The following PDZRN3 variants were observed in gnomAD, a reference collection of about 807,000 sequenced individuals.
PDZRN3 encodes the protein E3 ubiquitin-protein ligase PDZRN3.
PDZRN3 carries 38 observed loss-of-function variants against 85.7 expected under a neutral mutation model. The observed-to-expected ratio is 0.44, with a 90% CI of 0.34 to 0.58. The LOEUF (loss-of-function observed/expected upper bound fraction) is 0.58. Ranked by LOEUF, PDZRN3 falls within the 20% of genes least tolerant of loss-of-function variation. The pLI, the probability that PDZRN3 is intolerant of heterozygous loss-of-function variation, is 0.01. For missense variants in PDZRN3, 1,629 were observed against 1,506.4 expected, an observed-to-expected ratio of 1.08 and a Z score of -1.35; for synonymous variants, 759 against 638.0, an observed-to-expected ratio of 1.19 and a Z score of -2.86.
At chr3:73,577,591 A>G (rs1014735192) in intron 3 of PDZRN3, among the ~76,000 whole-genome samples, 4 of 152,118 alleles carry the variant, frequency 2.6e-5, no homozygotes, top group Non-Finnish European at 4.4e-5. Flanking sequence ...GAGGAAAACC[A>G]AGGGAGAGAG....
At chr3:73,523,025 T>C (rs1017935060) in intron 3 of PDZRN3, among the ~76,000 whole-genome samples, 3 of 152,098 alleles carry the variant, frequency 2.0e-5, no homozygotes, top group Non-Finnish European at 2.9e-5. Context: ...TTTGTTTGTT[T>C]GTTTGTTTGT....
intron 3 of PDZRN3, among the ~76,000 whole-genome samples, chr3:73,420,486 G>C (rs187112527): frequency 6.6e-6 from 1 of 152,246 alleles, no homozygotes; most frequent in East Asian, 1.9e-4. Flanking sequence ...TAAAAGTACT[G>C]CATATTTCCA....
At chr3:73,385,263 G>A (rs1240072569) in intron 9 of PDZRN3, among the ~76,000 whole-genome samples, 1 of 152,186 alleles carries the variant, frequency 6.6e-6, no homozygotes, top group Non-Finnish European at 1.5e-5. Context: ...AACTCAATAA[G>A]GACTCAATAA....
At chr3:73,559,069 G>A (rs766593928) in intron 3 of PDZRN3, among the ~76,000 whole-genome samples, 2 of 152,112 alleles carry the variant, frequency 1.3e-5, no homozygotes, top group Non-Finnish European at 2.9e-5. Flanking sequence ...TAAGACCCCA[G>A]GCACACCAAG....
At chr3:73,391,174 T>C (rs902454904) in intron 5 of PDZRN3, 58 bp from the exon 6 acceptor site, 2 of 992,042 alleles carry the variant, frequency 2.0e-6, no homozygotes, top group Non-Finnish European at 3.2e-6. Flanking sequence ...GTTGAGGGGA[T>C]GTCAAATGCT....
intron 3 of PDZRN3, among the ~76,000 whole-genome samples, chr3:73,564,050 C>A (rs1701894179): frequency 6.6e-6 from 1 of 152,204 alleles, no homozygotes; most frequent in African/African-American, 2.4e-5. Flanking sequence ...GGTTTAGAGG[C>A]TGTGCCTATT....
intron 3 of PDZRN3, among the ~76,000 whole-genome samples, chr3:73,490,240 C>T (rs934752219): frequency 6.6e-6 from 1 of 152,156 alleles, no homozygotes; most frequent in Admixed American, 6.5e-5. Context: ...AAGGGAGCAC[C>T]CCATACAGAA....
Position 73,384,514 on chromosome 3 carries a change from C to G in PDZRN3, c.2052G>C (p.Glu684Asp). The G allele has an allele frequency of 6.2e-7, 1 of 1,613,746 alleles. No homozygotes were observed. Among genetic ancestry groups the G allele is most frequent in the Non-Finnish European group, 8.5e-7 (1 of 1,180,034 alleles). The change falls in exon 10 of 10, where the codon GAG becomes GAC. Residue 684 changes from glutamate to aspartate, a missense_variant. By Grantham distance (45) the Glu-to-Asp change is conservative. Coordinates refer to ENST00000263666, the MANE Select transcript of PDZRN3 (RefSeq NM_015009.3). The stretch of plus-strand genomic sequence containing the variant: ...GCAGCTCTTCGTTCAGCAGCTCCAG[C>G]TCCTTGTCCACGCTCTCAGGGTCAC... ...GKSDPESVDKELELLNEELRS... is the reference protein window; with the variant it reads ...GKSDPESVDKDLELLNEELRS...
intron 3 of PDZRN3, among the ~76,000 whole-genome samples, chr3:73,526,373 A>G (rs1704524606): frequency 6.6e-6 from 1 of 152,154 alleles, no homozygotes; most frequent in African/African-American, 2.4e-5. Flanking sequence ...AAGTATCCCC[A>G]TACCCATTCC....
chr3:73,403,272 C>T lies in PDZRN3; in HGVS notation c.1166+876G>A, dbSNP rs545950887. Among the ~76,000 whole-genome samples, 16 of 152,260 alleles carry T rather than the reference C, an allele frequency of 1.1e-4. No individual in the cohort carries two copies. In the East Asian group the frequency reaches 2.7e-3, roughly 26 times the overall value. ...TGAAAAGCTATGTTAAAAGCTATGTCGAACTGGACACCTTGGGGGCCAGCA... is the reference window on the plus strand; with the variant it reads ...TGAAAAGCTATGTTAAAAGCTATGTTGAACTGGACACCTTGGGGGCCAGCA... On this transcript the variant is annotated intron_variant, in intron 4 of 9. Coordinates refer to ENST00000263666, the MANE Select transcript of PDZRN3 (RefSeq NM_015009.3).
At chr3:73,564,132 T>C (rs72891757) in intron 3 of PDZRN3, among the ~76,000 whole-genome samples, 18,734 of 152,226 alleles carry the variant, frequency 0.12, 3,479 homozygotes, top group African/African-American at 0.4. Context: ...TGTATAACTC[T>C]ACATCAAATA....
chr3:73,467,856 C>T (rs1703251821), intron 3 of PDZRN3, among the ~76,000 whole-genome samples: 1 of 152,124 alleles, frequency 6.6e-6, no homozygotes, highest in Admixed American at 6.6e-5. Flanking sequence ...TACAAAAGGA[C>T]AAGTACTATA....
At chr3:73,443,070 C>T (rs980399163) in intron 3 of PDZRN3, among the ~76,000 whole-genome samples, 4 of 152,166 alleles carry the variant, frequency 2.6e-5, no homozygotes, top group South Asian at 4.1e-4. Flanking sequence ...CTCCCAGCCG[C>T]GCCCCACCAC....
intron 1 of PDZRN3, among the ~76,000 whole-genome samples, chr3:73,612,116 T>C (rs769390652): frequency 5.9e-5 from 9 of 152,154 alleles, no homozygotes; most frequent in Non-Finnish European, 1.3e-4. Context: ...TCTCAAAACA[T>C]AGTAAAACAA....
intron 3 of PDZRN3, among the ~76,000 whole-genome samples, chr3:73,452,033 C>T (rs1173968796): frequency 6.6e-6 from 1 of 152,162 alleles, no homozygotes; most frequent in Non-Finnish European, 1.5e-5. Flanking sequence ...TAAGCAATAA[C>T]CTGCTATGTC....
intron 8 of PDZRN3, among the ~76,000 whole-genome samples, chr3:73,386,448 C>A (rs1198620500): frequency 6.6e-6 from 1 of 152,106 alleles, no homozygotes; most frequent in East Asian, 1.9e-4. Flanking sequence ...CCTGCCTCAG[C>A]CTCCCAACAT....
intron 5 of PDZRN3, among the ~76,000 whole-genome samples, chr3:73,399,415 C>A (rs1409030185): frequency 6.6e-6 from 1 of 152,118 alleles, no homozygotes; most frequent in East Asian, 1.9e-4. Context: ...CTGCCCACTC[C>A]CCCAGGGGAT....
intron 3 of PDZRN3, among the ~76,000 whole-genome samples, chr3:73,596,516 T>C (rs1412763180): frequency 1.3e-5 from 2 of 152,192 alleles, no homozygotes; most frequent in South Asian, 2.1e-4. Context: ...TTTAACCAAG[T>C]GGTTCAAGTT....
Position 73,384,627 on chromosome 3 carries a change from G to A in PDZRN3, c.1939C>T (p.Arg647Cys), listed in dbSNP as rs746378403. The A allele has an allele frequency of 7.4e-6, 12 of 1,613,732 alleles. No homozygotes were observed. The highest frequency in any genetic ancestry group is 2.2e-5 in the South Asian group (2 of 91,080). ...GIPVDECERF[R>C]ELLELKCQVK... ...TGGCACTTGAGCTCCAGGAGCTCGC[G>A]GAAGCGCTCGCACTCGTCCACCGGG... The change falls in exon 10 of 10, where the codon CGC (arginine) becomes TGC (cysteine). Residue 647 changes from arginine (R) to cysteine (C), a missense_variant. Physicochemically the swap from Arg to Cys is radical, Grantham distance 180. Transcript: ENST00000263666.
Sources: allele counts gnomAD v4.1 joint callset (sites outside exome capture counted in the v4.1 genomes callset), GRCh38; gene constraint gnomAD v4.1.1; transcripts MANE v1.5; gene names NCBI Gene and HGNC (gene_info 2026-07-23, HGNC 2026-07-21).